Variants in MEF2C observed in about 807,000 individuals in gnomAD.
MEF2C encodes myocyte enhancer factor 2C.
Under a neutral mutation model 50.5 loss-of-function variants are expected in MEF2C, and 6 were observed. That is an observed-to-expected ratio of 0.12 (90% CI 0.07 to 0.23). The LOEUF (loss-of-function observed/expected upper bound fraction) is 0.23, where lower values mean the gene tolerates loss of function less well. Ranked by LOEUF, MEF2C falls within the 10% of genes least tolerant of loss-of-function variation. The pLI, the probability that MEF2C is intolerant of heterozygous loss-of-function variation, is 1.00. For synonymous variants in MEF2C, 183 were observed against 228.0 expected (o/e 0.80, Z 1.78); for missense variants, 276 against 605.0 (o/e 0.46, Z 5.70).
intron 2 of MEF2C, among the ~76,000 whole-genome samples, chr5:88,816,465 CT>C (rs70996497): frequency 0.089 from 7,649 of 86,190 alleles, 342 homozygotes; most frequent in African/African-American, 0.21. Context: ...CTGCCTACTG[CT>C]TTTTTTTTTT....
intron 3 of MEF2C, among the ~76,000 whole-genome samples, chr5:88,768,308 A>C (rs544608356): frequency 6.6e-6 from 1 of 152,322 alleles, no homozygotes; most frequent in Non-Finnish European, 1.5e-5. Flanking sequence ...TAGATGAATG[A>C]ATGGAACACA....
chr5:88,806,991 A>G (rs1437321605), intron 2 of MEF2C, among the ~76,000 whole-genome samples: 1 of 152,222 alleles, frequency 6.6e-6, no homozygotes, highest in Non-Finnish European at 1.5e-5. Context: ...TCAGAAAGAT[A>G]CAATTGATGT....
rs184870449 is a variant in MEF2C, at chr5:88,893,430, C to G, written c.-239-5832G>C. On this transcript the variant is annotated intron_variant, in intron 1 of 11. Coordinates refer to the MEF2C transcript ENST00000340208. ...TAGAGATGGGGTTTCAACATGTTGGCCAGGTTGGTCTTGAACTCCTGACCT... is the reference window on the plus strand; with the variant it reads ...TAGAGATGGGGTTTCAACATGTTGGGCAGGTTGGTCTTGAACTCCTGACCT... Among the ~76,000 whole-genome samples the G allele has an allele frequency of 2.9e-3, 441 of 151,748 alleles. 2 individuals carry two copies. Among genetic ancestry groups the G allele is most frequent in the Middle Eastern group, 0.024 (7 of 294 alleles).
chr5:88,810,942 T>G (rs547122243), intron 2 of MEF2C, among the ~76,000 whole-genome samples: 36 of 152,234 alleles, frequency 2.4e-4, no homozygotes, highest in African/African-American at 7.0e-4. Context: ...AAGGTAATTT[T>G]AAAGTCCACA....
intron 3 of MEF2C, among the ~76,000 whole-genome samples, chr5:88,800,105 T>C (rs1797758041): frequency 6.6e-6 from 1 of 152,112 alleles, no homozygotes; most frequent in Non-Finnish European, 1.5e-5. Context: ...ACTGAATGAG[T>C]AGCTCATTAG....
chr5:88,771,766 A>G (rs188487498), intron 3 of MEF2C: 47 of 226,890 alleles, frequency 2.1e-4, no homozygotes, highest in African/African-American at 9.8e-4. Context: ...ATTTGTTTTA[A>G]TAAGATTATT....
intron 1 of MEF2C, among the ~76,000 whole-genome samples, chr5:88,853,896 A>C (rs1421507546): frequency 5.9e-5 from 9 of 152,206 alleles, no homozygotes; most frequent in Non-Finnish European, 1.3e-4. Flanking sequence ...ATAAATCATA[A>C]ATGTGTCTTT....
At chr5:88,723,011 G>A (rs1284693274) in intron 10 of MEF2C, 86 bp from the exon 11 acceptor site, 1 of 1,137,176 alleles carries the variant, frequency 8.8e-7, no homozygotes, top group Non-Finnish European at 1.2e-6. Context: ...TCAGCTTAAA[G>A]ACTCGCATAG....
intron 6 of MEF2C, chr5:88,735,578 A>G: frequency 1.0e-6 from 1 of 973,736 alleles, no homozygotes; most frequent in Non-Finnish European, 1.2e-6. Flanking sequence ...AAAATAACAA[A>G]TTTAAGCATA....
chr5:88,808,811 G>T (rs949120832), intron 2 of MEF2C, among the ~76,000 whole-genome samples: 19 of 152,056 alleles, frequency 1.2e-4, no homozygotes, highest in African/African-American at 4.3e-4. Flanking sequence ...CAATAACAAA[G>T]ATTTCAATTC....
At position 88,814,313 on chromosome 5, in the gene MEF2C, C is replaced by CCT. The variant is rs569032712; in HGVS notation, c.54+9420_54+9421dup. 1.1e-4 allele frequency among the ~76,000 whole-genome samples: 15 copies of CCT among 132,554 alleles called. No individual in the cohort carries two copies. In the South Asian group the frequency reaches 3.8e-3, roughly 33 times the overall value. The allele number at this position is 132,554 out of a possible 152,430, so 87.0% of individuals were successfully genotyped here. ...TTACTCTCGGTGGGAGGAAGCAGTG[C>CCT]CTCTGCAGACTTGTGTTCTAGACAA... On this transcript the variant is annotated intron_variant, in intron 2 of 10. Transcript: ENST00000504921.
At chr5:88,743,829 G>A in intron 6 of MEF2C, 1 of 984,204 alleles carries the variant, frequency 1.0e-6, no homozygotes, top group Non-Finnish European at 1.2e-6. Context: ...GCATAAAATA[G>A]TCAACAATTA....
At chr5:88,796,785 A>G (rs1277416864) in intron 3 of MEF2C, among the ~76,000 whole-genome samples, 1 of 152,132 alleles carries the variant, frequency 6.6e-6, no homozygotes, top group African/African-American at 2.4e-5. Flanking sequence ...TCCTCTAAAC[A>G]CTGCTTTAGT....
intron 5 of MEF2C, 150 bp downstream of exon 5, chr5:88,751,707 T>C (rs1302508942): frequency 9.4e-6 from 10 of 1,062,600 alleles, no homozygotes; most frequent in Non-Finnish European, 1.3e-5. Flanking sequence ...GGCTCTATCA[T>C]GCAGGAGACC....
intron 1 of MEF2C, among the ~76,000 whole-genome samples, chr5:88,834,911 T>C (rs1042895461): frequency 6.6e-6 from 1 of 152,194 alleles, no homozygotes; most frequent in Non-Finnish European, 1.5e-5. Context: ...TGGATACAAC[T>C]CAATTTCATA....
chr5:88,872,905 T>A (rs1415242288), intron 1 of MEF2C, among the ~76,000 whole-genome samples: 1 of 152,046 alleles, frequency 6.6e-6, no homozygotes, highest in Admixed American at 6.6e-5. Context: ...ATATGTAGAA[T>A]CAAAGAAATG....
At chr5:88,774,388 T>C (rs1424132974) in intron 3 of MEF2C, among the ~76,000 whole-genome samples, 2 of 151,360 alleles carry the variant, frequency 1.3e-5, no homozygotes, top group Non-Finnish European at 2.9e-5. Flanking sequence ...AGTGGGGCGA[T>C]CTCGGCTCAC....
chr5:88,899,732 A>G (rs148757989), intron 1 of MEF2C, among the ~76,000 whole-genome samples: 4 of 152,212 alleles, frequency 2.6e-5, no homozygotes, highest in African/African-American at 9.6e-5. Flanking sequence ...AATGGATGCT[A>G]TTTACTATTT....
chr5:88,804,932 A>G, intron 2 of MEF2C, 131 bp from the exon 3 acceptor site: 1 of 639,612 alleles, frequency 1.6e-6, no homozygotes, highest in Non-Finnish European at 2.7e-6. Context: ...TAACACATTC[A>G]GAAAGAAAGC....
Sources: allele counts gnomAD v4.1 joint callset (sites outside exome capture counted in the v4.1 genomes callset), GRCh38; gene constraint gnomAD v4.1.1; transcripts MANE v1.5; gene names NCBI Gene and HGNC (gene_info 2026-07-23, HGNC 2026-07-21).